STON2: variants seen among roughly 807,000 people sequenced by gnomAD.
STON2 encodes stonin 2.
STON2 carries 29 observed loss-of-function variants against 65.7 expected under a neutral mutation model. The observed-to-expected ratio is 0.44, with a 90% CI of 0.33 to 0.60. The LOEUF is 0.60. STON2 is among the 20% of genes least tolerant of loss of function. The pLI is 0.03. For missense variants in STON2, 1,054 were observed against 1,118.1 expected (o/e 0.94, Z 0.82); for synonymous variants, 404 against 414.2 (o/e 0.98, Z 0.30).
At chr14:81,374,804 G>C (rs1453952799) in intron 3 of STON2, among the ~76,000 whole-genome samples, 1 of 152,086 alleles carries the variant, frequency 6.6e-6, no homozygotes, top group Non-Finnish European at 1.5e-5. Flanking sequence ...GAAAATGGTA[G>C]AGGGGCAATA....
intron 5 of STON2, among the ~76,000 whole-genome samples, chr14:81,306,232 T>A (rs1896175630): frequency 9.1e-6 from 1 of 109,360 alleles, no homozygotes; most frequent in Non-Finnish European, 2.0e-5. Context: ...TTTTTTTTTT[T>A]TTTTTTTTTT....
At chr14:81,368,779 T>C (rs1012146859) in intron 4 of STON2, among the ~76,000 whole-genome samples, 12 of 152,284 alleles carry the variant, frequency 7.9e-5, no homozygotes, top group Middle Eastern at 3.4e-3. Flanking sequence ...CTTGTAGCCA[T>C]AGAAACTGCC....
intron 5 of STON2, among the ~76,000 whole-genome samples, chr14:81,289,291 C>T (rs568596701): frequency 1.3e-5 from 2 of 152,180 alleles, no homozygotes; most frequent in South Asian, 4.1e-4. Context: ...CAGTTTCAGG[C>T]TTTGTAAGAT....
At chr14:81,350,874 A>G (rs565675229) in intron 4 of STON2, among the ~76,000 whole-genome samples, 21 of 152,272 alleles carry the variant, frequency 1.4e-4, no homozygotes, top group Non-Finnish European at 2.5e-4. Flanking sequence ...GCATGTTAAC[A>G]TTTTATCTTT....
chr14:81,373,210 A>C (rs1899083514), intron 3 of STON2, among the ~76,000 whole-genome samples: 2 of 152,190 alleles, frequency 1.3e-5, no homozygotes, highest in Admixed American at 1.3e-4. Context: ...GCAGGCATTC[A>C]ACAAATATTT....
chr14:81,385,922 A>C (rs1170389971), intron 3 of STON2, among the ~76,000 whole-genome samples: 1 of 152,148 alleles, frequency 6.6e-6, no homozygotes, highest in Non-Finnish European at 1.5e-5. Flanking sequence ...TAGAGAGTGG[A>C]GGTGGAGGGT....
At chr14:81,421,603 A>G (rs933283477) in intron 2 of STON2, among the ~76,000 whole-genome samples, 18 of 152,258 alleles carry the variant, frequency 1.2e-4, no homozygotes, top group African/African-American at 4.3e-4. Flanking sequence ...ATATGGGGAT[A>G]GAATCTTTTT....
At chr14:81,279,487 G>A (rs748614334) in intron 5 of STON2, among the ~76,000 whole-genome samples, 10 of 152,064 alleles carry the variant, frequency 6.6e-5, no homozygotes, top group Non-Finnish European at 1.3e-4. Flanking sequence ...TCAGGAATTC[G>A]GCACCAGCCT....
chr14:81,357,733 T>C (rs1898307862), intron 4 of STON2, among the ~76,000 whole-genome samples: 1 of 152,066 alleles, frequency 6.6e-6, no homozygotes, highest in African/African-American at 2.4e-5. Flanking sequence ...TTCTTGTCCT[T>C]TGTAGGGACA....
At chr14:81,387,232 T>C (rs944723841) in intron 3 of STON2, among the ~76,000 whole-genome samples, 2 of 152,064 alleles carry the variant, frequency 1.3e-5, no homozygotes, top group East Asian at 1.9e-4. Flanking sequence ...TAGTTCAGAG[T>C]TCAATAAATG....
intron 2 of STON2, among the ~76,000 whole-genome samples, chr14:81,417,808 G>A (rs961504000): frequency 6.6e-6 from 1 of 152,206 alleles, no homozygotes; most frequent in Non-Finnish European, 1.5e-5. Context: ...CTTGGAGCAT[G>A]CCTACATAAG....
intron 4 of STON2, among the ~76,000 whole-genome samples, chr14:81,341,212 G>C (rs1044769969): frequency 6.6e-6 from 1 of 152,054 alleles, no homozygotes; most frequent in Non-Finnish European, 1.5e-5. Context: ...TTCACTTCCA[G>C]TGAGCACCAG....
At chr14:81,390,339 A>G (rs1900021132) in intron 3 of STON2, among the ~76,000 whole-genome samples, 2 of 152,208 alleles carry the variant, frequency 1.3e-5, no homozygotes, top group Admixed American at 1.3e-4. Flanking sequence ...TTTCTGCTCA[A>G]TTCTGAGCAC....
chr14:81,328,509 T>C (rs1048420107), intron 4 of STON2, among the ~76,000 whole-genome samples: 5 of 152,160 alleles, frequency 3.3e-5, no homozygotes, highest in Admixed American at 3.3e-4. Flanking sequence ...TGTACCAGCA[T>C]TGCTATCACC....
At chr14:81,328,911 G>C (rs911125571) in intron 4 of STON2, among the ~76,000 whole-genome samples, 1 of 152,156 alleles carries the variant, frequency 6.6e-6, no homozygotes, top group Non-Finnish European at 1.5e-5. Context: ...GCCTTCAACA[G>C]ATGCAGATGC....
intron 5 of STON2, among the ~76,000 whole-genome samples, chr14:81,292,378 T>C (rs1424866835): frequency 6.6e-6 from 1 of 152,190 alleles, no homozygotes. Flanking sequence ...TGCCAGGTGA[T>C]ATGGTTTGGC....
At chr14:81,335,881 A>G (rs1467680112) in intron 4 of STON2, among the ~76,000 whole-genome samples, 1 of 152,204 alleles carries the variant, frequency 6.6e-6, no homozygotes, top group Non-Finnish European at 1.5e-5. Flanking sequence ...AGAGAGAGAC[A>G]GACAGATATA....
At chr14:81,330,894 G>C (rs1566912114) in intron 4 of STON2, among the ~76,000 whole-genome samples, 1 of 152,220 alleles carries the variant, frequency 6.6e-6, no homozygotes, top group East Asian at 1.9e-4. Context: ...GCCATAACAA[G>C]CTGCTTAGTG....
At chr14:81,335,551 C>G (rs1482310310) in intron 4 of STON2, among the ~76,000 whole-genome samples, 1 of 152,146 alleles carries the variant, frequency 6.6e-6, no homozygotes, top group Non-Finnish European at 1.5e-5. Flanking sequence ...CATAGCTGGA[C>G]TGTCAGATAC....
Sources: gnomAD v4.1 joint callset for allele counts (sites outside exome capture counted in the v4.1 genomes callset) on GRCh38, gnomAD v4.1.1 for gene constraint, MANE v1.5 for transcripts, NCBI Gene and HGNC (gene_info 2026-07-23, HGNC 2026-07-21) for gene names.